FOXP1: variants seen among roughly 807,000 people sequenced by gnomAD.
FOXP1 encodes the protein forkhead box protein P1.
In FOXP1, 15 loss-of-function variants were observed where a neutral mutation model predicts 98.2. That is an observed-to-expected ratio of 0.15 (90% CI 0.10 to 0.24). The LOEUF is 0.24. Ranked by LOEUF, FOXP1 falls within the 10% of genes least tolerant of loss-of-function variation. FOXP1 has a pLI of 1.00. For missense variants in FOXP1, 633 were observed against 848.5 expected (o/e 0.75, Z 3.15); for synonymous variants, 371 against 314.5 (o/e 1.18, Z -1.90).
intron 3 of FOXP1, among the ~76,000 whole-genome samples, chr3:71,487,597 A>G (rs904304000): frequency 1.3e-5 from 2 of 152,274 alleles, no homozygotes; most frequent in Non-Finnish European, 2.9e-5. Flanking sequence ...GACCAATTCA[A>G]TGATGTCTGC....
In FOXP1 at chr3:71,310,866, T is replaced by C. The variant is rs2074631593; in HGVS notation, c.-72-10986A>G. On this transcript the variant is annotated intron_variant, in intron 4 of 20. Coordinates refer to ENST00000649528, the MANE Select transcript of FOXP1 (RefSeq NM_001349338.3). ...CTAGGTTAACACAGCTGGAGCCAGA[T>C]GACAGGCTCTCAAAGATATTCCTCT... 2.0e-5 allele frequency among the ~76,000 whole-genome samples: 3 copies of C among 152,350 alleles called. No homozygotes were observed. The South Asian group carries it at 6.2e-4, about 32-fold the overall frequency.
chr3:71,223,567 C>A (rs551559978), intron 5 of FOXP1, among the ~76,000 whole-genome samples: 1 of 151,730 alleles, frequency 6.6e-6, no homozygotes, highest in South Asian at 2.1e-4. Flanking sequence ...TAATGGCAGA[C>A]GCCTGTAGTC....
At chr3:70,970,864 C>T in intron 18 of FOXP1, 59 bp from the exon 19 acceptor site, 1 of 1,366,592 alleles carries the variant, frequency 7.3e-7, no homozygotes, top group Non-Finnish European at 1.0e-6. Context: ...GAGTTCCTAG[C>T]TAAGTTTTGT....
At chr3:71,156,184 GA>G (rs1279268426) in intron 6 of FOXP1, among the ~76,000 whole-genome samples, 2 of 152,198 alleles carry the variant, frequency 1.3e-5, no homozygotes, top group African/African-American at 2.4e-5. Flanking sequence ...GCTCCAGGGG[GA>G]GGGGGGGTGA....
rs71104406 is a variant in FOXP1 at position 70,981,191 on chromosome 3, CAAA to C, written c.1147-3165_1147-3163del. ...ATCGCACCACTAGGACTCTTTCTACCAAAAAAAAAAAAAAAAAAAAAAAAAAAG... is the reference window on the plus strand; with the variant it reads ...ATCGCACCACTAGGACTCTTTCTACCAAAAAAAAAAAAAAAAAAAAAAAAG... On this transcript the variant is annotated intron_variant, in intron 14 of 20. Transcript: ENST00000649528. 2.8e-3 allele frequency among the ~76,000 whole-genome samples: 167 copies of C among 59,944 alleles called. 1 individual carries two copies. The highest frequency in any genetic ancestry group is 7.1e-3 in the African/African-American group (152 of 21,320). 39.3% of individuals were successfully genotyped at this position (59,944 alleles called of 152,430 possible).
chr3:70,955,963 A>C lies in FOXP1; in HGVS notation c.*3284T>G, dbSNP rs550648036. The stretch of plus-strand genomic sequence containing the variant: ...AAGTTAGGGAGTTTCTCCCTCCCAC[A>C]TGTCAGGAAATGTCATCCAATATTC... On this transcript the variant is annotated 3_prime_UTR_variant, in exon 21 of 21. Transcript: ENST00000649528. 1.3e-4 allele frequency: 31 copies of C among 233,278 alleles called. No individual in the cohort carries two copies. The Admixed American group carries it at 1.4e-3, about 11-fold the overall frequency. The allele number at this position is 233,278 out of a possible 1,614,324, so 14.5% of individuals were successfully genotyped here.
chr3:71,076,654 T>G (rs1016283625), intron 7 of FOXP1, among the ~76,000 whole-genome samples: 2 of 152,142 alleles, frequency 1.3e-5, no homozygotes, highest in African/African-American at 2.4e-5. Flanking sequence ...GATGAATAGT[T>G]TTTCTTCTTT....
intron 3 of FOXP1, among the ~76,000 whole-genome samples, chr3:71,376,989 C>T (rs831069): frequency 0.95 from 144,696 of 152,254 alleles, 69,196 homozygotes; most frequent in East Asian, 1. Context: ...TCTTCATCTT[C>T]TTTTATTCTC....
chr3:71,222,927 A>C (rs1191959366), intron 5 of FOXP1, among the ~76,000 whole-genome samples: 1 of 152,128 alleles, frequency 6.6e-6, no homozygotes, highest in Non-Finnish European at 1.5e-5. Context: ...GGTCACTGTC[A>C]ACTCCTTTGA....
At chr3:71,370,879 GC>G in intron 3 of FOXP1, among the ~76,000 whole-genome samples, 9 of 147,074 alleles carry the variant, frequency 6.1e-5, no homozygotes, top group Non-Finnish European at 1.3e-4. Flanking sequence ...TCAGCTCACT[GC>G]AACCTCCACC....
chr3:71,004,767 A>G (rs1467859632), intron 12 of FOXP1, among the ~76,000 whole-genome samples: 3 of 152,158 alleles, frequency 2.0e-5, no homozygotes, highest in Non-Finnish European at 4.4e-5. Flanking sequence ...AATGGATTTC[A>G]AATTAGAGAT....
chr3:71,522,263 T>C (rs1214137366), intron 2 of FOXP1, among the ~76,000 whole-genome samples: 1 of 152,126 alleles, frequency 6.6e-6, no homozygotes. Flanking sequence ...GAGAAACTTA[T>C]TTTTTCATAA....
chr3:70,968,456 A>C (rs1381507419), intron 19 of FOXP1: 1 of 150,202 alleles, frequency 6.7e-6, no homozygotes, highest in Non-Finnish European at 1.5e-5. Context: ...CTTGCACAGC[A>C]TGTGGTTTCA....
At chr3:71,212,737 T>C (rs2064582948) in intron 5 of FOXP1, among the ~76,000 whole-genome samples, 1 of 152,186 alleles carries the variant, frequency 6.6e-6, no homozygotes, top group South Asian at 2.1e-4. Flanking sequence ...CTTTTTGTAA[T>C]GGAGTGCCAC....
rs1267809231 is a variant in FOXP1 at position 70,957,642 on chromosome 3, G to GGTTA, written c.*1604_*1605insTAAC. 8.6e-6 allele frequency: 2 copies of GGTTA among 232,898 alleles called. No individual in the cohort carries two copies. Among genetic ancestry groups the GGTTA allele is most frequent in the Admixed American group, 1.1e-4 (2 of 17,752 alleles). The allele number at this position is 232,898 out of a possible 1,614,324, so 14.4% of individuals were successfully genotyped here. On this transcript the variant is annotated 3_prime_UTR_variant, in exon 21 of 21. Coordinates refer to ENST00000649528, the MANE Select transcript of FOXP1 (RefSeq NM_001349338.3). Reference sequence around the variant, plus strand: ...GTGGGTGCAGAGCTGAAGTGTGGAGGGGTTCTAAGGACTGAGGTTGTACTG... The same window carrying GGTTA: ...GTGGGTGCAGAGCTGAAGTGTGGAGGGTTAGGTTCTAAGGACTGAGGTTGTACTG...
At position 70,998,554 on chromosome 3, in the gene FOXP1, A is replaced by G. The variant is rs560615509; in HGVS notation, c.1062+2418T>C. Among the ~76,000 whole-genome samples, 6 of 152,238 alleles carry G rather than the reference A, an allele frequency of 3.9e-5. No homozygotes were observed. The South Asian group carries it at 1.2e-3, about 32-fold the overall frequency. On this transcript the variant is annotated intron_variant, in intron 13 of 20. Transcript: ENST00000649528. ...GCCTGTCCCTTCTTCCATTACGGCA[A>G]ACTCCCCGACAAAAACATTACGAGG...
At chr3:71,433,756 C>A (rs745650625) in intron 3 of FOXP1, among the ~76,000 whole-genome samples, 8 of 152,270 alleles carry the variant, frequency 5.3e-5, no homozygotes, top group Admixed American at 1.3e-4. Flanking sequence ...CCCATCCAAT[C>A]CCCCACGTGA....
At chr3:71,015,785 C>T (rs1309913477) in intron 11 of FOXP1, 132 bp from the exon 12 acceptor site, 5 of 637,594 alleles carry the variant, frequency 7.8e-6, no homozygotes, top group African/African-American at 1.8e-5. Context: ...TTTCCCCCAT[C>T]CCATGTAATT....
intron 2 of FOXP1, among the ~76,000 whole-genome samples, chr3:71,525,059 C>T (rs975755888): frequency 6.6e-6 from 1 of 152,200 alleles, no homozygotes; most frequent in African/African-American, 2.4e-5. Context: ...GAACCTAACT[C>T]TTCCATAAAA....
Sources: gnomAD v4.1 joint callset for allele counts (sites outside exome capture counted in the v4.1 genomes callset) on GRCh38, gnomAD v4.1.1 for gene constraint, MANE v1.5 for transcripts, NCBI Gene and HGNC (gene_info 2026-07-23, HGNC 2026-07-21) for gene names.